The following CSMD1 variants were observed in gnomAD, a reference collection of about 807,000 sequenced individuals.
The protein encoded by CSMD1 is CUB and Sushi multiple domains 1, also known as CUB and sushi domain-containing protein 1.
A neutral mutation model predicts 417.5 loss-of-function variants in CSMD1; 213 were observed. That is an observed-to-expected ratio of 0.51 (90% CI 0.46 to 0.57). The LOEUF (loss-of-function observed/expected upper bound fraction) is 0.57, where lower values mean the gene tolerates loss of function less well. Ranked by LOEUF, CSMD1 falls within the 20% of genes least tolerant of loss-of-function variation. The probability of loss-of-function intolerance (pLI) is 0.00; values close to 1 mark genes in which losing one functional copy is unlikely to be tolerated. For missense variants in CSMD1, 6,923 were observed against 4,529.7 expected, an observed-to-expected ratio of 1.53 and a Z score of -15.17; for synonymous variants, 2,862 against 1,736.8, an observed-to-expected ratio of 1.65 and a Z score of -16.11.
At chr8:4,895,146 C>T (rs1423603226) in intron 1 of CSMD1, among the ~76,000 whole-genome samples, 1 of 152,154 alleles carries the variant, frequency 6.6e-6, no homozygotes, top group Admixed American at 6.5e-5. Flanking sequence ...GATTTACATT[C>T]GCTTCTGTAC....
At chr8:4,725,989 C>G (rs1465361363) in intron 1 of CSMD1, among the ~76,000 whole-genome samples, 1 of 152,110 alleles carries the variant, frequency 6.6e-6, no homozygotes, top group Non-Finnish European at 1.5e-5. Context: ...ATTTTGGTAT[C>G]ACGAACTAGT....
intron 1 of CSMD1, among the ~76,000 whole-genome samples, chr8:4,786,889 GA>G (rs1350180213): frequency 1.3e-5 from 2 of 152,108 alleles, no homozygotes; most frequent in Non-Finnish European, 2.9e-5. Context: ...GAAATGCTAA[GA>G]AATAAGATAA....
chr8:4,024,548 T>G (rs947195525), intron 4 of CSMD1, among the ~76,000 whole-genome samples: 1 of 152,178 alleles, frequency 6.6e-6, no homozygotes, highest in Non-Finnish European at 1.5e-5. Context: ...TCAAGTCAAT[T>G]TGAGACTTTA....
Position 4,442,975 on chromosome 8 carries a change from T to C in CSMD1, c.303-22910A>G, listed in dbSNP as rs73660816. 5.5e-3 allele frequency among the ~76,000 whole-genome samples: 835 copies of C among 152,246 alleles called. 8 individuals are homozygous for C. The highest frequency in any genetic ancestry group is 0.019 in the African/African-American group (791 of 41,558). On this transcript the variant is annotated intron_variant, in intron 2 of 69. Coordinates refer to ENST00000635120, the MANE Select transcript of CSMD1 (RefSeq NM_033225.6). ...TACAGCACCACAGGTATCTCCAAAATAGTGTCATTGCTTTAACTCTTCCAT... is the reference window on the plus strand; with the variant it reads ...TACAGCACCACAGGTATCTCCAAAACAGTGTCATTGCTTTAACTCTTCCAT...
chr8:3,263,582 CAAAT>C (rs894130085), intron 26 of CSMD1, among the ~76,000 whole-genome samples: 7 of 152,038 alleles, frequency 4.6e-5, no homozygotes, highest in Admixed American at 6.6e-5. Context: ...AAATTTCTTA[CAAAT>C]AAATGTTTTA....
Position 3,468,508 on chromosome 8 carries a change from C to A in CSMD1, c.1561+204G>T, listed in dbSNP as rs185959254. Reference sequence around the variant, plus strand: ...ATTTTGGGATAATCAGAGCACATATCATGGCAAGCCGAGTTTTCAGAAGTT... The same window carrying A: ...ATTTTGGGATAATCAGAGCACATATAATGGCAAGCCGAGTTTTCAGAAGTT... On this transcript the variant is annotated intron_variant, in intron 12 of 69. Transcript: ENST00000635120. Among the ~76,000 whole-genome samples, 402 of 152,288 alleles carry A rather than the reference C, an allele frequency of 2.6e-3. 1 individual carries two copies. The highest frequency in any genetic ancestry group is 4.8e-3 in the Non-Finnish European group (324 of 68,022).
At chr8:3,871,350 A>G (rs1255526854) in intron 5 of CSMD1, among the ~76,000 whole-genome samples, 2 of 152,132 alleles carry the variant, frequency 1.3e-5, no homozygotes, top group Admixed American at 6.5e-5. Flanking sequence ...ATTGACAACT[A>G]TTATGTCTCT....
At chr8:4,954,780 A>ATGGT (rs2117301118) in intron 1 of CSMD1, among the ~76,000 whole-genome samples, 1 of 152,276 alleles carries the variant, frequency 6.6e-6, no homozygotes, top group African/African-American at 2.4e-5. Flanking sequence ...ACACAGAATT[A>ATGGT]CGGTTTTCCA....
At chr8:4,780,304 A>C (rs1797088600) in intron 1 of CSMD1, among the ~76,000 whole-genome samples, 2 of 152,184 alleles carry the variant, frequency 1.3e-5, no homozygotes, top group Admixed American at 6.5e-5. Context: ...ATACTGCGCT[A>C]TATAATGGGG....
At chr8:4,734,140 C>T (rs142549378) in intron 1 of CSMD1, among the ~76,000 whole-genome samples, 2 of 152,192 alleles carry the variant, frequency 1.3e-5, no homozygotes, top group East Asian at 1.9e-4. Flanking sequence ...TTTACATTTA[C>T]AAGCTCTATT....
At chr8:3,065,880 T>C (rs1054117541) in intron 49 of CSMD1, among the ~76,000 whole-genome samples, 5 of 152,318 alleles carry the variant, frequency 3.3e-5, no homozygotes, top group South Asian at 2.1e-4. Context: ...TGGCTCATTA[T>C]AAATGAAAAT....
In CSMD1 at chr8:3,294,291, G is replaced by T. The variant is rs1049685417; in HGVS notation, c.3951-9945C>A. 3.9e-5 allele frequency among the ~76,000 whole-genome samples: 6 copies of T among 152,288 alleles called. No individual in the cohort carries two copies. In the East Asian group the frequency reaches 1.2e-3, roughly 30 times the overall value. On this transcript the variant is annotated intron_variant, in intron 25 of 69. Coordinates refer to ENST00000635120, the MANE Select transcript of CSMD1 (RefSeq NM_033225.6). ...GGTCAGGGACCCCCTTGAGGAGGCAGTCTGTCTGTTCTGAGATCTCAAGCT... is the reference window on the plus strand; with the variant it reads ...GGTCAGGGACCCCCTTGAGGAGGCATTCTGTCTGTTCTGAGATCTCAAGCT...
At chr8:4,758,550 T>C (rs746195337) in intron 1 of CSMD1, among the ~76,000 whole-genome samples, 1 of 152,142 alleles carries the variant, frequency 6.6e-6, no homozygotes, top group East Asian at 1.9e-4. Context: ...GAAACGTCAG[T>C]GTATTAGTCC....
At chr8:3,627,757 G>T (rs569529320) in intron 7 of CSMD1, among the ~76,000 whole-genome samples, 1 of 152,258 alleles carries the variant, frequency 6.6e-6, no homozygotes. Flanking sequence ...CTTTGCTGAA[G>T]AAATGAGAAA....
At chr8:3,092,851 T>A (rs1235967019) in intron 47 of CSMD1, among the ~76,000 whole-genome samples, 1 of 152,224 alleles carries the variant, frequency 6.6e-6, no homozygotes, top group Non-Finnish European at 1.5e-5. Context: ...CATTTTGCAT[T>A]TCACAGTTCA....
chr8:2,962,198 G>C (rs1448241200), intron 61 of CSMD1, among the ~76,000 whole-genome samples: 1 of 152,212 alleles, frequency 6.6e-6, no homozygotes, highest in Admixed American at 6.5e-5. Context: ...AGTTAAGGTA[G>C]ACAGCGGAGA....
At chr8:3,551,035 T>A (rs1418632880) in intron 10 of CSMD1, among the ~76,000 whole-genome samples, 1 of 152,114 alleles carries the variant, frequency 6.6e-6, no homozygotes, top group Non-Finnish European at 1.5e-5. Context: ...TCAGCCTAAA[T>A]CTAAATGTAA....
intron 4 of CSMD1, among the ~76,000 whole-genome samples, chr8:4,027,882 C>T (rs1239044787): frequency 6.6e-6 from 1 of 152,072 alleles, no homozygotes; most frequent in Admixed American, 6.5e-5. Flanking sequence ...AACAAAGACA[C>T]AGTAACTTTG....
At chr8:3,255,873 C>T (rs909320592) in intron 26 of CSMD1, among the ~76,000 whole-genome samples, 7 of 152,152 alleles carry the variant, frequency 4.6e-5, no homozygotes, top group South Asian at 4.1e-4. Flanking sequence ...CACCCACTGT[C>T]CTGCACCCAC....
Sources: allele counts gnomAD v4.1 joint callset (sites outside exome capture counted in the v4.1 genomes callset), GRCh38; gene constraint gnomAD v4.1.1; transcripts MANE v1.5; gene names NCBI Gene and HGNC (gene_info 2026-07-23, HGNC 2026-07-21).